GABRB1: variants seen among roughly 807,000 people sequenced by gnomAD.
GABRB1 encodes gamma-aminobutyric acid receptor subunit beta-1.
GABRB1 carries 17 observed loss-of-function variants against 51.6 expected under a neutral mutation model. That is an observed-to-expected ratio of 0.33 (90% CI 0.23 to 0.49). The LOEUF is 0.49. Among genes scored for constraint, GABRB1 ranks in the 20% least tolerant of loss-of-function variants. GABRB1 has a pLI of 0.99. For missense variants in GABRB1, 410 were observed against 600.6 expected, an observed-to-expected ratio of 0.68 and a Z score of 3.32; for synonymous variants, 247 against 218.9, an observed-to-expected ratio of 1.13 and a Z score of -1.14.
chr4:47,138,743 T>C (rs1027740380), intron 3 of GABRB1, among the ~76,000 whole-genome samples: 18 of 152,086 alleles, frequency 1.2e-4, no homozygotes, highest in Non-Finnish European at 2.2e-4. Flanking sequence ...TGTTCAAAAC[T>C]GTGAGCTAGA....
chr4:47,100,174 GA>G (rs1188177615), intron 3 of GABRB1, among the ~76,000 whole-genome samples: 12 of 149,344 alleles, frequency 8.0e-5, no homozygotes, highest in Non-Finnish European at 1.6e-4. Flanking sequence ...CAAATAACTA[GA>G]AAAATATTTC....
At chr4:47,247,651 G>A (rs1055635830) in intron 4 of GABRB1, among the ~76,000 whole-genome samples, 1 of 152,012 alleles carries the variant, frequency 6.6e-6, no homozygotes, top group Non-Finnish European at 1.5e-5. Flanking sequence ...ACCCAACCAT[G>A]AGCATGGGAT....
At chr4:47,320,767 T>C (rs912071673) in intron 5 of GABRB1, among the ~76,000 whole-genome samples, 1 of 95,258 alleles carries the variant, frequency 1.0e-5, no homozygotes, top group African/African-American at 3.5e-5. Flanking sequence ...TCTTTTCTTT[T>C]TTCTTTTTTT....
intron 4 of GABRB1, among the ~76,000 whole-genome samples, chr4:47,282,621 T>C (rs1258856282): frequency 6.6e-6 from 1 of 152,186 alleles, no homozygotes; most frequent in East Asian, 1.9e-4. Flanking sequence ...TTATTAATGC[T>C]GGTATTAAAT....
At position 47,008,667 on chromosome 4, in the gene GABRB1, C is replaced by T. The variant is rs1173533423; in HGVS notation, c.-20+14741C>T. Among the ~76,000 whole-genome samples, 30 of 131,186 alleles carry T rather than the reference C, an allele frequency of 2.3e-4. No homozygotes were observed. In the East Asian group the frequency reaches 4.5e-3, roughly 20 times the overall value. 86.1% of individuals were successfully genotyped at this position (131,186 alleles called of 152,430 possible). ...TTTTTTTTTGTATTTTTAGTAGAGA[C>T]GAGGTTTCACCATGTTGGCCAGGCT... On this transcript the variant is annotated intron_variant, in intron 1 of 3. Transcript: ENST00000513567.
At chr4:47,012,493 C>A (rs1246336218) in intron 1 of GABRB1, among the ~76,000 whole-genome samples, 1 of 152,086 alleles carries the variant, frequency 6.6e-6, no homozygotes, top group Non-Finnish European at 1.5e-5. Flanking sequence ...ATAATGGTCT[C>A]CAGCTCCATC....
chr4:47,279,242 A>G (rs897580727), intron 4 of GABRB1, among the ~76,000 whole-genome samples: 4 of 152,184 alleles, frequency 2.6e-5, no homozygotes, highest in Non-Finnish European at 4.4e-5. Flanking sequence ...TCCAAGTTCC[A>G]TAGTTTAGCA....
chr4:47,413,521 A>G (rs993057809), intron 8 of GABRB1, among the ~76,000 whole-genome samples: 1 of 152,228 alleles, frequency 6.6e-6, no homozygotes, highest in African/African-American at 2.4e-5. Context: ...AAACTCAAAA[A>G]TATAAAAAAG....
At chr4:47,333,582 G>T (rs1051112574) in intron 5 of GABRB1, among the ~76,000 whole-genome samples, 1 of 152,054 alleles carries the variant, frequency 6.6e-6, no homozygotes, top group East Asian at 1.9e-4. Flanking sequence ...GGGCATGGTG[G>T]CATACACCTG....
chr4:47,301,131 G>C (rs535317157), intron 4 of GABRB1, among the ~76,000 whole-genome samples: 2 of 152,152 alleles, frequency 1.3e-5, no homozygotes, highest in Admixed American at 6.6e-5. Flanking sequence ...AGCAAACTTA[G>C]GTTATGTTGA....
At chr4:47,114,342 A>G (rs1577919971) in intron 3 of GABRB1, among the ~76,000 whole-genome samples, 1 of 152,128 alleles carries the variant, frequency 6.6e-6, no homozygotes, top group South Asian at 2.1e-4. Context: ...CATTTCAAAG[A>G]CAGCAACTGT....
intron 3 of GABRB1, among the ~76,000 whole-genome samples, chr4:47,117,719 G>T (rs896608698): frequency 3.3e-5 from 5 of 152,052 alleles, no homozygotes; most frequent in Non-Finnish European, 7.4e-5. Context: ...AAATACTGTT[G>T]AATTTCAAAA....
At chr4:47,382,069 T>C (rs778493154) in intron 5 of GABRB1, among the ~76,000 whole-genome samples, 1 of 152,198 alleles carries the variant, frequency 6.6e-6, no homozygotes, top group Non-Finnish European at 1.5e-5. Flanking sequence ...ATTTTGCATC[T>C]TCCCTTCTTA....
intron 1 of GABRB1, among the ~76,000 whole-genome samples, chr4:47,014,086 C>G (rs1457406204): frequency 6.6e-6 from 1 of 152,074 alleles, no homozygotes; most frequent in Non-Finnish European, 1.5e-5. Flanking sequence ...AGTAGGTATC[C>G]AGGTTTATTG....
intron 4 of GABRB1, among the ~76,000 whole-genome samples, chr4:47,319,838 T>C (rs1560332003): frequency 6.6e-6 from 1 of 152,230 alleles, no homozygotes. Context: ...GGAAAGTTTT[T>C]AATCACTGAT....
At chr4:47,163,047 A>G (rs924681614) in intron 4 of GABRB1, among the ~76,000 whole-genome samples, 1 of 152,066 alleles carries the variant, frequency 6.6e-6, no homozygotes, top group Non-Finnish European at 1.5e-5. Flanking sequence ...TGGAAAGGCC[A>G]TAAGGTATAG....
At chr4:47,123,843 T>C in intron 3 of GABRB1, among the ~76,000 whole-genome samples, 1 of 88,186 alleles carries the variant, frequency 1.1e-5, no homozygotes, top group Middle Eastern at 4.5e-3. Context: ...TATTATATTA[T>C]ATATATTATA....
intron 4 of GABRB1, among the ~76,000 whole-genome samples, chr4:47,246,364 AT>A (rs1721756447): frequency 2.6e-5 from 1 of 38,546 alleles, no homozygotes; most frequent in East Asian, 1.3e-3. Flanking sequence ...ATATATATAT[AT>A]ATATATATAT....
chr4:47,394,979 G>C (rs932435491), intron 5 of GABRB1, among the ~76,000 whole-genome samples: 1 of 152,144 alleles, frequency 6.6e-6, no homozygotes, highest in African/African-American at 2.4e-5. Context: ...TAAGTAGACA[G>C]ACATAGAAGC....
Sources: gnomAD v4.1 joint callset for allele counts (sites outside exome capture counted in the v4.1 genomes callset) on GRCh38, gnomAD v4.1.1 for gene constraint, MANE v1.5 for transcripts, NCBI Gene and HGNC (gene_info 2026-07-23, HGNC 2026-07-21) for gene names.